CALCR: variants seen among roughly 807,000 people sequenced by gnomAD.
The protein encoded by CALCR is calcitonin receptor.
A neutral mutation model predicts 59.5 loss-of-function variants in CALCR; 47 were observed. That is an observed-to-expected ratio of 0.79 (90% CI 0.63 to 1.01). The LOEUF is 1.01. CALCR is among the 50% of genes least tolerant of loss of function. The probability of loss-of-function intolerance (pLI) is 0.00; values close to 1 mark genes in which losing one functional copy is unlikely to be tolerated. For synonymous variants in CALCR, 213 were observed against 211.3 expected (o/e 1.01, Z -0.07); for missense variants, 566 against 597.1 (o/e 0.95, Z 0.54).
chr7:93,480,668 A>G (rs1020479100), intron 3 of CALCR, among the ~76,000 whole-genome samples: 6 of 151,838 alleles, frequency 4.0e-5, no homozygotes, highest in Non-Finnish European at 7.4e-5. Context: ...ACACGACAGC[A>G]CATCACTAAC....
chr7:93,463,191 G>A (rs1562983711), intron 7 of CALCR, among the ~76,000 whole-genome samples: 1 of 151,624 alleles, frequency 6.6e-6, no homozygotes, highest in East Asian at 1.9e-4. Context: ...ACATTATCCT[G>A]TTGTTCAACA....
chr7:93,460,589 ATATG>A (rs1252062805), intron 8 of CALCR, among the ~76,000 whole-genome samples: 5 of 115,556 alleles, frequency 4.3e-5, no homozygotes, highest in East Asian at 2.5e-4. Flanking sequence ...ATATATATAT[ATATG>A]TATATATATA....
At chr7:93,460,780 C>T (rs750683890) in intron 8 of CALCR, 41 bp downstream of exon 8, 1 of 1,494,362 alleles carries the variant, frequency 6.7e-7, no homozygotes, top group Non-Finnish European at 9.1e-7. Context: ...GGTACTATAT[C>T]CTTTAAAATA....
intron 8 of CALCR, among the ~76,000 whole-genome samples, chr7:93,457,967 C>G (rs1469771115): frequency 6.6e-6 from 1 of 152,158 alleles, no homozygotes; most frequent in African/African-American, 2.4e-5. Context: ...GACACTTACT[C>G]TCACCGAGCC....
chr7:93,453,209 C>G (rs764226335), intron 8 of CALCR, among the ~76,000 whole-genome samples: 10 of 152,000 alleles, frequency 6.6e-5, no homozygotes, highest in Non-Finnish European at 1.5e-4. Flanking sequence ...CAAATAATGA[C>G]AGCTGATTTT....
intron 5 of CALCR, 39 bp from the exon 6 acceptor site, chr7:93,472,526 A>C: frequency 3.3e-5 from 37 of 1,128,572 alleles, no homozygotes; most frequent in Non-Finnish European, 4.6e-5. Flanking sequence ...TTAATATCTC[A>C]AAATCCCAAC....
intron 2 of CALCR, among the ~76,000 whole-genome samples, chr7:93,544,576 A>T (rs1789234919): frequency 6.6e-6 from 1 of 151,926 alleles, no homozygotes; most frequent in Non-Finnish European, 1.5e-5. Flanking sequence ...TTTGTTTATG[A>T]AGGTTTTTTT....
intron 7 of CALCR, among the ~76,000 whole-genome samples, chr7:93,466,919 A>G (rs1324726694): frequency 6.6e-6 from 1 of 151,756 alleles, no homozygotes; most frequent in Non-Finnish European, 1.5e-5. Flanking sequence ...TTTGGCTCTC[A>G]CATCTCCTCA....
Position 93,477,633 on chromosome 7 carries a change from A to G in CALCR, c.241T>C (p.Cys81Arg), listed in dbSNP as rs1228575434. Residue 81 changes from cysteine to arginine, a missense_variant, in exon 5 of 14, where the codon TGC (cysteine) becomes CGC (arginine). By Grantham distance (180) the Cys-to-Arg change is radical. Coordinates refer to ENST00000426151, the MANE Select transcript of CALCR (RefSeq NM_001742.4). ...ACTCCAGCCGGTGTGTCATCCCAGC[A>G]CAGCCATCCATCCCAGGTGCGATTG... ...YCNRTWDGWL[C>R]WDDTPAGVLS... 2.5e-6 allele frequency: 4 copies of G among 1,611,466 alleles called. No individual in the cohort carries two copies. The South Asian group carries it at 4.4e-5, about 18-fold the overall frequency.
chr7:93,537,806 C>A (rs900866032), intron 2 of CALCR, among the ~76,000 whole-genome samples: 7 of 151,568 alleles, frequency 4.6e-5, no homozygotes, highest in African/African-American at 1.7e-4. Context: ...AAAAGTTAAA[C>A]TACATATTTG....
At chr7:93,507,340 C>A (rs556916683) in intron 2 of CALCR, among the ~76,000 whole-genome samples, 3 of 151,962 alleles carry the variant, frequency 2.0e-5, no homozygotes, top group African/African-American at 7.2e-5. Flanking sequence ...TCAGTTAATG[C>A]CTGATGGAGA....
chr7:93,487,792 G>A (rs1417032404), intron 2 of CALCR, among the ~76,000 whole-genome samples: 1 of 151,386 alleles, frequency 6.6e-6, no homozygotes, highest in Admixed American at 6.6e-5. Flanking sequence ...TAACTGGTAA[G>A]TTCCTGTTGC....
At chr7:93,570,652 CAGAATCTT>C (rs1382026094) in intron 2 of CALCR, among the ~76,000 whole-genome samples, 1 of 152,082 alleles carries the variant, frequency 6.6e-6, no homozygotes, top group Admixed American at 6.5e-5. Context: ...TTAACAAAGA[CAGAATCTT>C]ATACCTCAGG....
chr7:93,506,141 C>G (rs1034306503), intron 2 of CALCR, among the ~76,000 whole-genome samples: 4 of 152,296 alleles, frequency 2.6e-5, no homozygotes, highest in Middle Eastern at 3.4e-3. Context: ...AACTCACTCT[C>G]TGTGTGTGTC....
chr7:93,444,257 G>T (rs1799969029), intron 8 of CALCR, among the ~76,000 whole-genome samples: 1 of 152,056 alleles, frequency 6.6e-6, no homozygotes, highest in Non-Finnish European at 1.5e-5. Flanking sequence ...GAGCCTAGCT[G>T]CTGTTTATGC....
At chr7:93,561,054 C>A (rs1789735371) in intron 2 of CALCR, among the ~76,000 whole-genome samples, 1 of 152,076 alleles carries the variant, frequency 6.6e-6, no homozygotes, top group Non-Finnish European at 1.5e-5. Flanking sequence ...GAAACAATTC[C>A]TTCCTAAAAG....
chr7:93,500,469 G>T (rs1190100036), intron 2 of CALCR, among the ~76,000 whole-genome samples: 1 of 151,940 alleles, frequency 6.6e-6, no homozygotes, highest in Non-Finnish European at 1.5e-5. Context: ...TAGAACAATT[G>T]CTGGCTGTTA....
chr7:93,479,292 C>A, intron 4 of CALCR, 62 bp downstream of exon 4: 1 of 1,465,886 alleles, frequency 6.8e-7, no homozygotes, highest in Non-Finnish European at 9.2e-7. Context: ...CATATTTAAC[C>A]ACAAAAGAAA....
At chr7:93,442,806 T>C (rs1039017189) in intron 9 of CALCR, among the ~76,000 whole-genome samples, 3 of 152,162 alleles carry the variant, frequency 2.0e-5, no homozygotes, top group African/African-American at 7.2e-5. Flanking sequence ...GTTCCTCCTC[T>C]GGTATGGAAG....
Sources: allele counts gnomAD v4.1 joint callset (sites outside exome capture counted in the v4.1 genomes callset), GRCh38; gene constraint gnomAD v4.1.1; transcripts MANE v1.5; gene names NCBI Gene and HGNC (gene_info 2026-07-23, HGNC 2026-07-21).